The following ZNF451 variants were observed in gnomAD, a reference collection of about 807,000 sequenced individuals.
ZNF451 encodes the protein zinc finger protein 451.
Under a neutral mutation model 107.1 loss-of-function variants are expected in ZNF451, and 80 were observed. The observed-to-expected ratio is 0.75, with a 90% CI of 0.62 to 0.90. The LOEUF (loss-of-function observed/expected upper bound fraction) is 0.90, where lower values mean the gene tolerates loss of function less well. Ranked by LOEUF, ZNF451 falls within the 40% of genes least tolerant of loss-of-function variation. The pLI, the probability that ZNF451 is intolerant of heterozygous loss-of-function variation, is 0.00. For synonymous variants in ZNF451, 362 were observed against 406.5 expected, an observed-to-expected ratio of 0.89 and a Z score of 1.32; for missense variants, 1,107 against 1,236.2, an observed-to-expected ratio of 0.90 and a Z score of 1.57.
In ZNF451 at chr6:57,098,985, A is replaced by G. The variant is rs956185602; in HGVS notation, c.106-76A>G. On this transcript the variant is annotated intron_variant, in intron 2 of 14. Transcript: ENST00000370706. ...TAATTCTTGCCAGTCCCAACCAAAA[A>G]AAACACTGTAGGTTTAAATGCTAAT... is the stretch of plus-strand genomic sequence containing the variant. 14 of 1,224,890 alleles carry G rather than the reference A, an allele frequency of 1.1e-5. No individual in the cohort carries two copies. In the Admixed American group the frequency reaches 2.4e-4, roughly 21 times the overall value. The allele number at this position is 1,224,890 out of a possible 1,614,324, so 75.9% of individuals were successfully genotyped here.
intron 14 of ZNF451, chr6:57,165,951 G>A (rs1763877311): frequency 6.6e-6 from 1 of 152,250 alleles, no homozygotes. Flanking sequence ...CAGTGAGTGA[G>A]TGGTGAGTGA....
chr6:57,122,598 C>A (rs1314120598), intron 3 of ZNF451, among the ~76,000 whole-genome samples: 1 of 152,114 alleles, frequency 6.6e-6, no homozygotes, highest in African/African-American at 2.4e-5. Context: ...AGACAACATA[C>A]AAGCAGCCAA....
intron 2 of ZNF451, among the ~76,000 whole-genome samples, chr6:57,092,559 C>A (rs1829100191): frequency 1.3e-5 from 2 of 152,188 alleles, no homozygotes; most frequent in South Asian, 4.1e-4. Context: ...GCACCACTTA[C>A]ATGACAATAA....
intron 3 of ZNF451, among the ~76,000 whole-genome samples, chr6:57,123,647 G>T (rs1593119845): frequency 6.6e-6 from 1 of 150,888 alleles, no homozygotes; most frequent in East Asian, 1.9e-4. Context: ...ACCCTCACAT[G>T]TACCCTTGAA....
At chr6:57,107,485 G>C in intron 3 of ZNF451, 2 of 985,056 alleles carry the variant, frequency 2.0e-6, no homozygotes, top group Non-Finnish European at 2.4e-6. Context: ...TTGTTTAATG[G>C]TAGTAGTATT....
intron 3 of ZNF451, among the ~76,000 whole-genome samples, chr6:57,113,396 G>T (rs2127950413): frequency 6.8e-6 from 1 of 147,238 alleles, no homozygotes; most frequent in East Asian, 2.0e-4. Flanking sequence ...TTTTAATATT[G>T]TTTTCTAGAA....
At chr6:57,167,522 C>A (rs1003750961) in intron 14 of ZNF451, among the ~76,000 whole-genome samples, 7 of 152,140 alleles carry the variant, frequency 4.6e-5, no homozygotes, top group African/African-American at 1.7e-4. Flanking sequence ...GTAGCTTTAA[C>A]TTGATACACA....
chr6:57,100,856 C>G (rs1175507833), intron 3 of ZNF451: 1 of 1,549,000 alleles, frequency 6.5e-7, no homozygotes, highest in Non-Finnish European at 8.7e-7. Context: ...CAGACTCTGC[C>G]TTCATCTCCA....
chr6:57,119,325 G>A (rs1477967007), intron 3 of ZNF451, among the ~76,000 whole-genome samples: 6 of 152,078 alleles, frequency 3.9e-5, no homozygotes, highest in African/African-American at 1.2e-4. Context: ...TCAGGAGTTC[G>A]AGACCAGCCT....
In ZNF451 at chr6:57,128,729, G is replaced by GA. The variant is rs1042064953; in HGVS notation, c.319dup (p.Ile107AsnfsTer2). The GA allele has an allele frequency of 6.2e-6, 10 of 1,603,224 alleles. No individual in the cohort carries two copies. Among genetic ancestry groups the GA allele is most frequent in the Non-Finnish European group, 7.7e-6 (9 of 1,175,548 alleles). ...TTGAGTTTTTTCTTAATGTCTTCAG[G>GA]AAAAAATTGATTTTCAGCATGCTCA... On this transcript the variant is annotated frameshift_variant and splice_region_variant, in exon 5 of 15. Coordinates refer to ENST00000370706, the MANE Select transcript of ZNF451 (RefSeq NM_001031623.3). LOFTEE classifies it high-confidence loss of function.
At chr6:57,134,908 A>C (rs1398002082) in intron 7 of ZNF451, 38 bp downstream of exon 7, 1 of 1,564,668 alleles carries the variant, frequency 6.4e-7, no homozygotes, top group Admixed American at 1.7e-5. Flanking sequence ...TTATTTTTCT[A>C]GATAGCCATG....
chr6:57,124,918 G>A, intron 4 of ZNF451, 59 bp downstream of exon 4: 1 of 1,188,930 alleles, frequency 8.4e-7, no homozygotes, highest in South Asian at 2.4e-5. Context: ...AATAAAGTTG[G>A]TAAAAAGCCT....
chr6:57,160,036 A>G (rs79943109), intron 13 of ZNF451, among the ~76,000 whole-genome samples: 3,834 of 152,274 alleles, frequency 0.025, 164 homozygotes, highest in African/African-American at 0.088. Flanking sequence ...GATAAGCACA[A>G]TATTAGGTCA....
At chr6:57,095,908 C>G (rs1407860529) in intron 2 of ZNF451, among the ~76,000 whole-genome samples, 1 of 151,984 alleles carries the variant, frequency 6.6e-6, no homozygotes, top group East Asian at 1.9e-4. Context: ...TCTGCAACTT[C>G]TGCCTCCTGG....
chr6:57,138,520 C>G (rs550820507), intron 7 of ZNF451, among the ~76,000 whole-genome samples: 10 of 151,644 alleles, frequency 6.6e-5, no homozygotes, highest in African/African-American at 2.2e-4. Flanking sequence ...CTTCAGCCTC[C>G]CAAAGTGCTG....
intron 7 of ZNF451, 133 bp downstream of exon 7, chr6:57,135,003 T>G: frequency 1.3e-6 from 1 of 741,592 alleles, no homozygotes; most frequent in Non-Finnish European, 2.1e-6. Flanking sequence ...AATTGTCAAT[T>G]GAAAATAAAA....
rs1166133391 is a variant in ZNF451 at position 57,128,938 on chromosome 6, T to C, written c.424+98T>C. On this transcript the variant is annotated intron_variant, in intron 5 of 14. Transcript: ENST00000370706. ...TGCTATTGCTAATAAGCATATAAGA[T>C]ATTAAATTTTGTTTCAGTGATACTA... is the stretch of plus-strand genomic sequence containing the variant. 6.1e-6 allele frequency: 5 copies of C among 817,876 alleles called. No homozygotes were observed. The South Asian group carries it at 8.0e-5, about 13-fold the overall frequency. 50.7% of individuals were successfully genotyped at this position (817,876 alleles called of 1,614,324 possible).
intron 3 of ZNF451, chr6:57,107,212 C>G: frequency 2.0e-6 from 2 of 985,326 alleles, no homozygotes; most frequent in Non-Finnish European, 2.4e-6. Flanking sequence ...ATCTTTTCTT[C>G]TCCTGTATTC....
At chr6:57,106,740 A>G (rs6921863) in intron 3 of ZNF451, 2 of 983,472 alleles carry the variant, frequency 2.0e-6, no homozygotes. Flanking sequence ...TGATTGTCTC[A>G]TCTGTATGCA....
Sources: gnomAD v4.1 joint callset for allele counts (sites outside exome capture counted in the v4.1 genomes callset) on GRCh38, gnomAD v4.1.1 for gene constraint, MANE v1.5 for transcripts, NCBI Gene and HGNC (gene_info 2026-07-23, HGNC 2026-07-21) for gene names.